STXBP5: variants seen among roughly 807,000 people sequenced by gnomAD.
STXBP5 encodes syntaxin binding protein 5.
A neutral mutation model predicts 152.4 loss-of-function variants in STXBP5; 50 were observed. The observed-to-expected ratio is 0.33, with a 90% CI of 0.26 to 0.42. The LOEUF (loss-of-function observed/expected upper bound fraction) is 0.42. STXBP5 is among the 10% of genes least tolerant of loss of function. The probability of loss-of-function intolerance (pLI) is 1.00; values close to 1 mark genes in which losing one functional copy is unlikely to be tolerated. For synonymous variants in STXBP5, 492 were observed against 494.7 expected (o/e 0.99, Z 0.07); for missense variants, 1,167 against 1,388.6 (o/e 0.84, Z 2.54).
At chr6:147,315,483 A>G (rs1351048490) in intron 14 of STXBP5, 32 bp from the exon 15 acceptor site, 2 of 1,412,044 alleles carry the variant, frequency 1.4e-6, no homozygotes, top group African/African-American at 2.9e-5. Context: ...ATTTTATATT[A>G]AAGTATCTGA....
chr6:147,379,347 T>A lies in STXBP5; in HGVS notation c.3194-3431T>A, dbSNP rs1785964493. ...TAATTCACTATCTAGAAATAAATCT[T>A]AAGAGAACATGTTCAGAATCTCCAT... is the stretch of plus-strand genomic sequence containing the variant. On this transcript the variant is annotated intron_variant, in intron 26 of 27. Coordinates refer to ENST00000321680, the MANE Select transcript of STXBP5 (RefSeq NM_001127715.4). Among the ~76,000 whole-genome samples the A allele has an allele frequency of 3.9e-5, 6 of 152,140 alleles. No homozygotes were observed. In the South Asian group the frequency reaches 1.2e-3, roughly 31 times the overall value.
At chr6:147,229,638 A>C (rs1412094976) in intron 2 of STXBP5, among the ~76,000 whole-genome samples, 3 of 151,814 alleles carry the variant, frequency 2.0e-5, no homozygotes, top group Non-Finnish European at 4.4e-5. Context: ...TGTTATTGTA[A>C]GTGGAATTAT....
At chr6:147,247,295 A>G (rs1778857188) in intron 4 of STXBP5, among the ~76,000 whole-genome samples, 1 of 152,240 alleles carries the variant, frequency 6.6e-6, no homozygotes, top group Admixed American at 6.5e-5. Context: ...GTGTACAGGC[A>G]TTAGAAATGA....
At chr6:147,287,414 G>A (rs1381311022) in intron 8 of STXBP5, among the ~76,000 whole-genome samples, 1 of 151,392 alleles carries the variant, frequency 6.6e-6, no homozygotes, top group African/African-American at 2.4e-5. Flanking sequence ...GTTTTAGCCG[G>A]GATGGTCTCG....
At chr6:147,380,364 GT>G (rs1035590760) in intron 26 of STXBP5, among the ~76,000 whole-genome samples, 3 of 142,462 alleles carry the variant, frequency 2.1e-5, no homozygotes, top group Non-Finnish European at 3.0e-5. Context: ...ATGGTCAATT[GT>G]TTTTTTTTAC....
chr6:147,260,865 A>C, intron 5 of STXBP5, 116 bp downstream of exon 5: 1 of 1,275,126 alleles, frequency 7.8e-7, no homozygotes, highest in Non-Finnish European at 1.1e-6. Flanking sequence ...AGATGTTCTT[A>C]ATATTAAGTA....
chr6:147,348,636 C>T (rs1000607004), intron 21 of STXBP5, among the ~76,000 whole-genome samples: 2 of 152,152 alleles, frequency 1.3e-5, no homozygotes, highest in Non-Finnish European at 2.9e-5. Flanking sequence ...TAAAAGCACA[C>T]TTCAGAGCTC....
intron 2 of STXBP5, among the ~76,000 whole-genome samples, chr6:147,213,471 T>TGCGCGCGCGCGC (rs1210162851): frequency 3.3e-5 from 4 of 121,482 alleles, no homozygotes; most frequent in Non-Finnish European, 7.3e-5. Context: ...TGTGTGTGTG[T>TGCGCGCGCGCGC]GTGTGTGCGC....
At chr6:147,220,273 G>A (rs1777394475) in intron 2 of STXBP5, among the ~76,000 whole-genome samples, 1 of 151,984 alleles carries the variant, frequency 6.6e-6, no homozygotes, top group African/African-American at 2.4e-5. Context: ...AATTTTTTGA[G>A]GTATATTTTA....
At chr6:147,308,452 C>T (rs1782205907) in intron 9 of STXBP5, among the ~76,000 whole-genome samples, 1 of 152,136 alleles carries the variant, frequency 6.6e-6, no homozygotes, top group Non-Finnish European at 1.5e-5. Flanking sequence ...CACATTTCTA[C>T]TCATTCATTC....
chr6:147,383,002 C>T lies in STXBP5; in HGVS notation c.3414+4C>T, dbSNP rs780447619. 20 of 1,612,780 alleles carry T rather than the reference C, an allele frequency of 1.2e-5. No individual in the cohort carries two copies. Among genetic ancestry groups the T allele is most frequent in the Non-Finnish European group, 1.6e-5 (19 of 1,179,370 alleles). Reference sequence around the variant, plus strand: ...ATTTTCTAAACATGCTCATGAGGTACGACTCTCAAACAGATATTTGAACAA... The same window carrying T: ...ATTTTCTAAACATGCTCATGAGGTATGACTCTCAAACAGATATTTGAACAA... On this transcript the variant is annotated splice_donor_region_variant and intron_variant, in intron 27 of 27. Transcript: ENST00000321680.
chr6:147,332,835 T>C (rs561292933), intron 18 of STXBP5, among the ~76,000 whole-genome samples: 1 of 152,320 alleles, frequency 6.6e-6, no homozygotes, highest in South Asian at 2.1e-4. Context: ...TGTTTCTTCC[T>C]AGGCCTTTTT....
chr6:147,225,001 T>C (rs1325307043), intron 2 of STXBP5, among the ~76,000 whole-genome samples: 1 of 152,158 alleles, frequency 6.6e-6, no homozygotes, highest in Non-Finnish European at 1.5e-5. Context: ...CAATTCAGAG[T>C]AGCAACATTT....
intron 6 of STXBP5, 52 bp from the exon 7 acceptor site, chr6:147,267,032 G>A (rs1443968708): frequency 1.4e-6 from 2 of 1,425,544 alleles, no homozygotes; most frequent in African/African-American, 1.4e-5. Flanking sequence ...GCAAATAAAT[G>A]TTTTATAATT....
intron 7 of STXBP5, among the ~76,000 whole-genome samples, chr6:147,271,881 G>A (rs1780189750): frequency 1.3e-5 from 2 of 152,092 alleles, no homozygotes; most frequent in Non-Finnish European, 2.9e-5. Context: ...TATAGTCAGA[G>A]TGGTGAGGAA....
chr6:147,283,957 G>T (rs768886250), intron 8 of STXBP5, among the ~76,000 whole-genome samples: 1 of 152,142 alleles, frequency 6.6e-6, no homozygotes, highest in African/African-American at 2.4e-5. Context: ...GGTAACGTGA[G>T]CTGCGTGTGT....
At chr6:147,218,103 A>G (rs1777266783) in intron 2 of STXBP5, among the ~76,000 whole-genome samples, 2 of 152,144 alleles carry the variant, frequency 1.3e-5, no homozygotes, top group African/African-American at 4.8e-5. Context: ...AGGTACAGAG[A>G]TATTATATAT....
intron 21 of STXBP5, among the ~76,000 whole-genome samples, 160 bp from the exon 22 acceptor site, chr6:147,353,163 G>A (rs968247069): frequency 6.6e-6 from 1 of 151,966 alleles, no homozygotes; most frequent in South Asian, 2.1e-4. Context: ...AAAATAAAAA[G>A]TTGAAAGGAT....
chr6:147,318,135 A>G (rs771469572), intron 16 of STXBP5, among the ~76,000 whole-genome samples: 7 of 152,188 alleles, frequency 4.6e-5, no homozygotes, highest in Non-Finnish European at 1.0e-4. Flanking sequence ...CAGCAGTATA[A>G]AACATTAAAT....
Sources: gnomAD v4.1 joint callset for allele counts (sites outside exome capture counted in the v4.1 genomes callset) on GRCh38, gnomAD v4.1.1 for gene constraint, MANE v1.5 for transcripts, NCBI Gene and HGNC (gene_info 2026-07-23, HGNC 2026-07-21) for gene names.